TCF7L2: variants seen among roughly 807,000 people sequenced by gnomAD.
TCF7L2 encodes transcription factor 7-like 2.
In TCF7L2, 23 loss-of-function variants were observed where a neutral mutation model predicts 77.9. The ratio of observed to expected loss-of-function variants is 0.30; its 90% CI spans 0.21 to 0.42. The LOEUF is 0.42. TCF7L2 is among the 10% of genes least tolerant of loss of function. The pLI, the probability that TCF7L2 is intolerant of heterozygous loss-of-function variation, is 1.00. For synonymous variants in TCF7L2, 413 were observed against 340.2 expected, an observed-to-expected ratio of 1.21 and a Z score of -2.36; for missense variants, 654 against 793.1, an observed-to-expected ratio of 0.82 and a Z score of 2.11.
chr10:112,950,754 A>G lies in TCF7L2; in HGVS notation c.-3A>G, dbSNP rs917813654. The G allele has an allele frequency of 1.5e-5, 24 of 1,555,550 alleles. No individual in the cohort carries two copies. The highest frequency in any genetic ancestry group is 1.9e-5 in the Non-Finnish European group (22 of 1,150,708). ...AAAATTGCTGCTGGTGGGTGAAAAA[A>G]AAATGCCGCAGCTGAACGGCGGTGG... On this transcript the variant is annotated 5_prime_UTR_variant, in exon 1 of 14. Transcript: ENST00000627217.
rs1180947636 is a variant in TCF7L2 at position 113,118,518 on chromosome 10, GGGGTGTGT to G, written c.553-22664_553-22657del. Reference sequence around the variant, plus strand: ...AGTTTTCAACCAACTGGTCATCTGGGGGGTGTGTGTGTGTGTGTGTGTGTGTGTGTGTG... The same window carrying G: ...AGTTTTCAACCAACTGGTCATCTGGGGTGTGTGTGTGTGTGTGTGTGTGTG... On this transcript the variant is annotated intron_variant, in intron 5 of 13. Coordinates refer to ENST00000627217, the MANE Select transcript of TCF7L2 (RefSeq NM_001146274.2). Among the ~76,000 whole-genome samples the G allele has an allele frequency of 9.7e-4, 44 of 45,486 alleles. No homozygotes were observed. In the East Asian group the frequency reaches 0.019, roughly 19 times the overall value. 29.8% of individuals were successfully genotyped at this position (45,486 alleles called of 152,430 possible). A position where few individuals can be genotyped will look rare whatever the true frequency, so the allele number is the denominator to read the frequency against.
At chr10:113,107,632 A>G (rs572366812) in intron 5 of TCF7L2, among the ~76,000 whole-genome samples, 59 of 151,764 alleles carry the variant, frequency 3.9e-4, no homozygotes, top group African/African-American at 1.3e-3. Context: ...AGTCCCAGCT[A>G]CTTGGGAGGC....
intron 6 of TCF7L2, among the ~76,000 whole-genome samples, chr10:113,143,103 C>T (rs2068675139): frequency 6.6e-6 from 1 of 152,236 alleles, no homozygotes; most frequent in Non-Finnish European, 1.5e-5. Flanking sequence ...CAATGGCATA[C>T]ATCAATTCCT....
intron 5 of TCF7L2, among the ~76,000 whole-genome samples, chr10:113,094,255 T>C (rs2060702621): frequency 6.6e-6 from 1 of 152,224 alleles, no homozygotes; most frequent in Non-Finnish European, 1.5e-5. Context: ...ATGAAACTTT[T>C]CTTGGGTTTA....
chr10:113,041,030 G>A lies in TCF7L2; in HGVS notation c.552+904G>A, dbSNP rs149275670. Among the ~76,000 whole-genome samples, 132 of 152,200 alleles carry A rather than the reference G, an allele frequency of 8.7e-4. 1 individual carries two copies. The highest frequency in any genetic ancestry group is 3.4e-3 in the Middle Eastern group (1 of 294). ...CATAAATACATTTTGCCTCTATATT[G>A]TAATTTCTAAAAATTGCAAAATAAG... is the stretch of plus-strand genomic sequence containing the variant. On this transcript the variant is annotated intron_variant, in intron 5 of 13. Transcript: ENST00000627217.
At chr10:113,046,898 A>G (rs1315245384) in intron 5 of TCF7L2, among the ~76,000 whole-genome samples, 1 of 152,132 alleles carries the variant, frequency 6.6e-6, no homozygotes, top group Non-Finnish European at 1.5e-5. Context: ...TTTGTTTTTA[A>G]CATACTTGAG....
intron 5 of TCF7L2, among the ~76,000 whole-genome samples, chr10:113,111,937 C>A (rs2063180513): frequency 6.6e-6 from 1 of 152,108 alleles, no homozygotes; most frequent in Non-Finnish European, 1.5e-5. Context: ...AATAGTCACG[C>A]CTAAACTTCC....
chr10:113,050,628 G>GA lies in TCF7L2; in HGVS notation c.552+10511dup, dbSNP rs570817810. Among the ~76,000 whole-genome samples the GA allele has an allele frequency of 1.9e-4, 29 of 151,340 alleles. No individual in the cohort carries two copies. In the East Asian group the frequency reaches 3.5e-3, roughly 18 times the overall value. ...TTGGGAGTATTCAGTTGGAACTCAG[G>GA]AAAAAAAAATTGTTTTTTTGGAAAG... On this transcript the variant is annotated intron_variant, in intron 5 of 13. Transcript: ENST00000627217.
At chr10:113,073,099 C>CGTGTGT (rs71489997) in intron 5 of TCF7L2, among the ~76,000 whole-genome samples, 9,464 of 103,770 alleles carry the variant, frequency 0.091, 547 homozygotes, top group African/African-American at 0.18. Context: ...AGGGCCAGGT[C>CGTGTGT]GTGTGTGTGT....
At chr10:113,003,877 G>A (rs1200476072) in intron 4 of TCF7L2, among the ~76,000 whole-genome samples, 1 of 152,196 alleles carries the variant, frequency 6.6e-6, no homozygotes, top group Non-Finnish European at 1.5e-5. Context: ...GAAGGAAGCT[G>A]GAAGCTGTGT....
rs371239229 is a variant in TCF7L2, at chr10:112,967,760, C to T, written c.450+3136C>T. ...AAGTGATTCTCCTGCCTCAGCCTCC[C>T]GAGTAGCTGGGATTACAGGCATGTG... On this transcript the variant is annotated intron_variant, in intron 4 of 13. Transcript: ENST00000627217. Among the ~76,000 whole-genome samples the T allele has an allele frequency of 4.1e-4, 62 of 152,046 alleles. 1 individual carries two copies. In the South Asian group the frequency reaches 8.3e-3, roughly 20 times the overall value.
At chr10:112,979,412 T>C (rs1472959278) in intron 4 of TCF7L2, among the ~76,000 whole-genome samples, 2 of 152,250 alleles carry the variant, frequency 1.3e-5, no homozygotes, top group Non-Finnish European at 2.9e-5. Context: ...TAGGATTTTA[T>C]ACCACTTTCT....
At chr10:112,961,939 C>G (rs951494280) in intron 3 of TCF7L2, among the ~76,000 whole-genome samples, 1 of 151,970 alleles carries the variant, frequency 6.6e-6, no homozygotes, top group African/African-American at 2.4e-5. Context: ...GTAAAATTAA[C>G]TTTGTCCTAT....
At chr10:113,054,576 C>G (rs2055023736) in intron 5 of TCF7L2, among the ~76,000 whole-genome samples, 2 of 152,124 alleles carry the variant, frequency 1.3e-5, no homozygotes, top group East Asian at 3.9e-4. Flanking sequence ...AAAATTAAAA[C>G]AACAACAACA....
intron 5 of TCF7L2, among the ~76,000 whole-genome samples, chr10:113,063,231 G>A (rs2056759978): frequency 1.3e-5 from 2 of 152,148 alleles, no homozygotes; most frequent in African/African-American, 2.4e-5. Flanking sequence ...TATCCTTGGA[G>A]TAGTGTTTGG....
At chr10:112,998,608 G>T (rs573166875) in intron 4 of TCF7L2, among the ~76,000 whole-genome samples, 7 of 152,100 alleles carry the variant, frequency 4.6e-5, no homozygotes, top group Non-Finnish European at 1.0e-4. Flanking sequence ...TTTAATTGCC[G>T]TATGAGGCAC....
At chr10:113,011,872 C>T (rs1590389541) in intron 4 of TCF7L2, among the ~76,000 whole-genome samples, 1 of 151,600 alleles carries the variant, frequency 6.6e-6, no homozygotes, top group African/African-American at 2.4e-5. Flanking sequence ...AGTATTGCTA[C>T]CTTGAGTATT....
In TCF7L2 at chr10:113,070,915, C is replaced by T. The variant is rs1021309182; in HGVS notation, c.552+30789C>T. On this transcript the variant is annotated intron_variant, in intron 5 of 13. Coordinates refer to ENST00000627217, the MANE Select transcript of TCF7L2 (RefSeq NM_001146274.2). Reference sequence around the variant, plus strand: ...TTTTCATCACCTTCCACAAAACCCCCGTGTCTCCTAGTAGCCACTCCCCAT... The same window carrying T: ...TTTTCATCACCTTCCACAAAACCCCTGTGTCTCCTAGTAGCCACTCCCCAT... 4.6e-5 allele frequency among the ~76,000 whole-genome samples: 7 copies of T among 152,282 alleles called. 1 individual carries two copies. Among genetic ancestry groups the T allele is most frequent in the Admixed American group, 2.6e-4 (4 of 15,300 alleles).
rs149943736 is a variant in TCF7L2, at chr10:113,074,463, A to C, written c.552+34337A>C. Among the ~76,000 whole-genome samples the C allele has an allele frequency of 1.8e-3, 279 of 152,248 alleles. 1 individual carries two copies. The highest frequency in any genetic ancestry group is 6.6e-3 in the African/African-American group (273 of 41,550). On this transcript the variant is annotated intron_variant, in intron 5 of 13. Transcript: ENST00000627217. Reference sequence around the variant, plus strand: ...TCTTGCTAATGTCAATTAGCAACATATTAATCTTGCTAATGTCAATCCTGT... The same window carrying C: ...TCTTGCTAATGTCAATTAGCAACATCTTAATCTTGCTAATGTCAATCCTGT...
Sources: gnomAD v4.1 joint callset for allele counts (sites outside exome capture counted in the v4.1 genomes callset) on GRCh38, gnomAD v4.1.1 for gene constraint, MANE v1.5 for transcripts, NCBI Gene and HGNC (gene_info 2026-07-23, HGNC 2026-07-21) for gene names.